Variants in USP34 observed in about 807,000 individuals in gnomAD.
The protein encoded by USP34 is ubiquitin carboxyl-terminal hydrolase 34.
Under a neutral mutation model 460.3 loss-of-function variants are expected in USP34, and 70 were observed. That is an observed-to-expected ratio of 0.15 (90% CI 0.13 to 0.19). USP34 has a LOEUF of 0.19. Among genes scored for constraint, USP34 ranks in the 10% least tolerant of loss-of-function variants. The pLI, the probability that USP34 is intolerant of heterozygous loss-of-function variation, is 1.00. For missense variants in USP34, 3,985 were observed against 4,236.2 expected (o/e 0.94, Z 1.65); for synonymous variants, 1,647 against 1,405.3 (o/e 1.17, Z -3.85).
chr2:61,292,406 G>A (rs1019828358), intron 33 of USP34, among the ~76,000 whole-genome samples: 1 of 152,040 alleles, frequency 6.6e-6, no homozygotes, highest in African/African-American at 2.4e-5. Context: ...GCCACATATT[G>A]GCAATAAAAT....
Position 61,189,130 on chromosome 2 carries a change from T to C in USP34, c.9874-61A>G, listed in dbSNP as rs1686541659. On this transcript the variant is annotated intron_variant, in intron 78 of 79. Transcript: ENST00000398571. ...AAGCCAACACTTTGATGCAGTTGTT[T>C]ACAGTTAATTGCAGATGTTTATTTT... 3.3e-6 allele frequency: 5 copies of C among 1,531,770 alleles called. No homozygotes were observed. In the South Asian group the frequency reaches 6.2e-5, roughly 19 times the overall value. The allele number at this position is 1,531,770 out of a possible 1,614,324, so 94.9% of individuals were successfully genotyped here.
intron 1 of USP34, among the ~76,000 whole-genome samples, chr2:61,422,020 C>G (rs1694376690): frequency 6.6e-6 from 1 of 152,174 alleles, no homozygotes. Context: ...AAAACAGTCA[C>G]AAGGTAGTAA....
intron 43 of USP34, among the ~76,000 whole-genome samples, chr2:61,260,503 A>G (rs1688848132): frequency 1.3e-5 from 2 of 152,218 alleles, no homozygotes; most frequent in Non-Finnish European, 2.9e-5. Context: ...AAGAGTATAC[A>G]TTAGTTATTT....
chr2:61,428,020 C>T (rs1359670748), intron 1 of USP34, among the ~76,000 whole-genome samples: 1 of 151,920 alleles, frequency 6.6e-6, no homozygotes, highest in Non-Finnish European at 1.5e-5. Context: ...AAAAAACTAG[C>T]CGGGCATGGT....
intron 75 of USP34, among the ~76,000 whole-genome samples, chr2:61,195,978 C>T (rs1399356655): frequency 1.3e-5 from 2 of 151,476 alleles, no homozygotes; most frequent in African/African-American, 2.4e-5. Context: ...ACGATCTCAG[C>T]TCACTGCAAC....
chr2:61,439,449 G>C lies in USP34; in HGVS notation c.44-18616C>G, dbSNP rs535088274. On this transcript the variant is annotated intron_variant, in intron 1 of 79. Coordinates refer to ENST00000398571, the MANE Select transcript of USP34 (RefSeq NM_014709.4). Reference sequence around the variant, plus strand: ...TGGCACCATTCTGTCCGGCCATCCTGTCTCCCCTGCTGTATGTGAGCACTG... The same window carrying C: ...TGGCACCATTCTGTCCGGCCATCCTCTCTCCCCTGCTGTATGTGAGCACTG... Among the ~76,000 whole-genome samples the C allele has an allele frequency of 2.0e-5, 3 of 152,194 alleles. No individual in the cohort carries two copies. In the East Asian group the frequency reaches 5.8e-4, roughly 30 times the overall value.
intron 1 of USP34, among the ~76,000 whole-genome samples, chr2:61,462,321 G>A (rs1189140742): frequency 6.6e-6 from 1 of 151,690 alleles, no homozygotes; most frequent in East Asian, 1.9e-4. Flanking sequence ...GGCCGAGGTG[G>A]GTGAATCACT....
At chr2:61,411,013 C>T (rs763781960) in intron 2 of USP34, among the ~76,000 whole-genome samples, 4 of 152,034 alleles carry the variant, frequency 2.6e-5, no homozygotes, top group Non-Finnish European at 5.9e-5. Context: ...AATATTATTC[C>T]TGTATCACCC....
In USP34 at chr2:61,447,272, A is replaced by AC. The variant is rs1444641465; in HGVS notation, c.43+23377_43+23378insG. Among the ~76,000 whole-genome samples the AC allele has an allele frequency of 1.5e-3, 226 of 149,788 alleles. 2 individuals carry two copies. Among genetic ancestry groups the AC allele is most frequent in the Middle Eastern group, 6.8e-3 (2 of 294 alleles). ...TGTCTTCCAAAAAAAAAAAAAAAAA[A>AC]AAAAAAAAAACCAGAAAACATATAT... On this transcript the variant is annotated intron_variant, in intron 1 of 79. Transcript: ENST00000398571.
chr2:61,305,777 T>C (rs1690383586), intron 27 of USP34, among the ~76,000 whole-genome samples: 1 of 149,000 alleles, frequency 6.7e-6, no homozygotes, highest in Admixed American at 6.7e-5. Flanking sequence ...CTTTATATCC[T>C]TTTTTTTTTC....
chr2:61,338,351 G>A (rs1388638718), intron 18 of USP34, among the ~76,000 whole-genome samples: 1 of 152,104 alleles, frequency 6.6e-6, no homozygotes, highest in Non-Finnish European at 1.5e-5. Flanking sequence ...ACCAAAGGAG[G>A]CAACTGATTC....
intron 27 of USP34, among the ~76,000 whole-genome samples, chr2:61,305,116 G>C (rs1307279181): frequency 6.6e-6 from 1 of 152,100 alleles, no homozygotes; most frequent in South Asian, 2.1e-4. Flanking sequence ...ATGAGGTCAG[G>C]AGCTCGAGAC....
intron 51 of USP34, among the ~76,000 whole-genome samples, chr2:61,242,927 A>G (rs1164501885): frequency 6.6e-6 from 1 of 151,722 alleles, no homozygotes; most frequent in Non-Finnish European, 1.5e-5. Context: ...GCTCACTGCA[A>G]TCTCCGCCTG....
chr2:61,369,877 G>A (rs1442351935), intron 10 of USP34, among the ~76,000 whole-genome samples: 1 of 149,840 alleles, frequency 6.7e-6, no homozygotes, highest in East Asian at 2.0e-4. Flanking sequence ...ATATACCTGA[G>A]AAGATAATAA....
chr2:61,348,176 C>A lies in USP34; in HGVS notation c.1979G>T (p.Gly660Val), dbSNP rs371503960. Reference protein sequence around the residue: ...QAGICLGDSQGMSERNGTSSG... With the variant: ...QAGICLGDSQVMSERNGTSSG... ...GCTTGTCCCATTTCTTTCTGACATG[C>A]CTTGGGAGTCCCCCAGGCAAATGCC... Residue 660 changes from glycine to valine, a missense_variant, in exon 15 of 80, where the codon GGC becomes GTC. Coordinates refer to ENST00000398571, the MANE Select transcript of USP34 (RefSeq NM_014709.4). 6.2e-7 allele frequency: 1 copy of A among 1,614,078 alleles called. No individual in the cohort carries two copies. Among genetic ancestry groups the A allele is most frequent in the Non-Finnish European group, 8.5e-7 (1 of 1,180,036 alleles).
At chr2:61,355,210 A>C (rs1281960109) in intron 10 of USP34, among the ~76,000 whole-genome samples, 1 of 152,216 alleles carries the variant, frequency 6.6e-6, no homozygotes, top group Non-Finnish European at 1.5e-5. Context: ...AAGATGAATA[A>C]ATATAAATTG....
intron 3 of USP34, among the ~76,000 whole-genome samples, chr2:61,402,060 G>A (rs113243707): frequency 1.7e-3 from 254 of 151,680 alleles, no homozygotes; most frequent in Middle Eastern, 0.014. Flanking sequence ...AGACCAGGCT[G>A]GTCTCGATAA....
intron 29 of USP34, among the ~76,000 whole-genome samples, chr2:61,298,860 C>A (rs1231577082): frequency 6.6e-5 from 10 of 151,984 alleles, no homozygotes; most frequent in Admixed American, 3.9e-4. Context: ...TTACACTATG[C>A]TAGTATTCCC....
intron 15 of USP34, among the ~76,000 whole-genome samples, chr2:61,344,951 T>C (rs1472022489): frequency 2.0e-5 from 3 of 152,140 alleles, no homozygotes; most frequent in African/African-American, 7.2e-5. Flanking sequence ...AACATTAGCA[T>C]TGCTATACAT....
Sources: gnomAD v4.1 joint callset for allele counts (sites outside exome capture counted in the v4.1 genomes callset) on GRCh38, gnomAD v4.1.1 for gene constraint, MANE v1.5 for transcripts, NCBI Gene and HGNC (gene_info 2026-07-23, HGNC 2026-07-21) for gene names.